The following MYO9A variants were observed in gnomAD, a reference collection of about 807,000 sequenced individuals.
The protein encoded by MYO9A is myosin IXA.
In MYO9A, 103 loss-of-function variants were observed where a neutral mutation model predicts 293.3. The observed-to-expected ratio is 0.35, with a 90% CI of 0.30 to 0.41. The LOEUF (loss-of-function observed/expected upper bound fraction) is 0.41, where lower values mean the gene tolerates loss of function less well. Ranked by LOEUF, MYO9A falls within the 10% of genes least tolerant of loss-of-function variation. The pLI, the probability that MYO9A is intolerant of heterozygous loss-of-function variation, is 1.00. For synonymous variants in MYO9A, 1,001 were observed against 1,035.7 expected, an observed-to-expected ratio of 0.97 and a Z score of 0.64; for missense variants, 2,685 against 3,033.0, an observed-to-expected ratio of 0.89 and a Z score of 2.69.
chr15:71,918,859 C>G (rs1030588415), intron 18 of MYO9A, among the ~76,000 whole-genome samples: 1 of 152,096 alleles, frequency 6.6e-6, no homozygotes. Context: ...ATGTATATTG[C>G]AAAAGTTTGA....
At chr15:71,854,626 T>G (rs2055791747) in intron 34 of MYO9A, 57 bp from the exon 35 acceptor site, 1 of 1,358,540 alleles carries the variant, frequency 7.4e-7, no homozygotes, top group Admixed American at 2.6e-5. Context: ...GAAACATGTT[T>G]AACCATTTCT....
chr15:72,081,678 TTTAAA>T (rs571974730), intron 1 of MYO9A, among the ~76,000 whole-genome samples: 127 of 152,330 alleles, frequency 8.3e-4, no homozygotes, highest in African/African-American at 2.8e-3. Context: ...AGTTTTAGGT[TTTAAA>T]TTAGAGACTT....
intron 1 of MYO9A, among the ~76,000 whole-genome samples, chr15:72,096,753 T>A (rs1008329735): frequency 6.6e-6 from 1 of 152,230 alleles, no homozygotes; most frequent in African/African-American, 2.4e-5. Context: ...CTGGGTGCCA[T>A]TAAGAACATT....
intron 1 of MYO9A, among the ~76,000 whole-genome samples, chr15:72,116,328 T>G (rs919864651): frequency 6.6e-6 from 1 of 152,260 alleles, no homozygotes; most frequent in Non-Finnish European, 1.5e-5. Context: ...CCTCTTTATA[T>G]TTCATCTTTA....
intron 1 of MYO9A, among the ~76,000 whole-genome samples, chr15:72,103,393 G>GC (rs1156738940): frequency 1.4e-5 from 2 of 146,732 alleles, no homozygotes; most frequent in African/African-American, 5.3e-5. Flanking sequence ...AGCAGCAGCA[G>GC]AAGCAGCAGC....
At chr15:72,116,850 T>G (rs751631946) in intron 1 of MYO9A, 5 of 152,042 alleles carry the variant, frequency 3.3e-5, no homozygotes, top group Non-Finnish European at 5.9e-5. Context: ...TCTGTGACCT[T>G]ATAATGGCAC....
chr15:72,059,125 A>C (rs1028221867), intron 1 of MYO9A, among the ~76,000 whole-genome samples: 4 of 152,304 alleles, frequency 2.6e-5, no homozygotes, highest in African/African-American at 9.6e-5. Context: ...TTCTCCTCCA[A>C]GGTATTTGCA....
intron 14 of MYO9A, among the ~76,000 whole-genome samples, chr15:71,953,073 CATA>C (rs2059090624): frequency 6.6e-6 from 1 of 152,128 alleles, no homozygotes; most frequent in Non-Finnish European, 1.5e-5. Flanking sequence ...AAATATTTTT[CATA>C]ATAAAAGTAA....
At chr15:72,100,979 G>GC (rs1394750126) in intron 1 of MYO9A, among the ~76,000 whole-genome samples, 1 of 126,184 alleles carries the variant, frequency 7.9e-6, no homozygotes, top group African/African-American at 2.9e-5. Context: ...GGGGGGGTCA[G>GC]CCCCCCGCCT....
intron 2 of MYO9A, among the ~76,000 whole-genome samples, chr15:72,037,399 C>A (rs1174775083): frequency 6.6e-6 from 1 of 151,950 alleles, no homozygotes; most frequent in Non-Finnish European, 1.5e-5. Flanking sequence ...ACTGCACATG[C>A]CCAGGATATG....
At chr15:71,866,757 A>C (rs1436503770) in intron 32 of MYO9A, among the ~76,000 whole-genome samples, 1 of 152,126 alleles carries the variant, frequency 6.6e-6, no homozygotes, top group Non-Finnish European at 1.5e-5. Context: ...TAATGAAACA[A>C]GATAAAAAAG....
chr15:71,943,961 T>A (rs140762405), intron 15 of MYO9A, among the ~76,000 whole-genome samples: 1 of 152,110 alleles, frequency 6.6e-6, no homozygotes, highest in Admixed American at 6.5e-5. Flanking sequence ...CGGAAATAAC[T>A]GTACCATTTG....
intron 32 of MYO9A, among the ~76,000 whole-genome samples, chr15:71,865,446 T>A (rs774228375): frequency 6.6e-5 from 10 of 152,154 alleles, no homozygotes; most frequent in Non-Finnish European, 1.2e-4. Flanking sequence ...ATGTTATATA[T>A]CCATACAACA....
intron 4 of MYO9A, among the ~76,000 whole-genome samples, chr15:72,025,893 G>A (rs2077651432): frequency 6.6e-6 from 1 of 152,092 alleles, no homozygotes; most frequent in Non-Finnish European, 1.5e-5. Flanking sequence ...CTCCAGGGTA[G>A]ACCATGTGTA....
intron 24 of MYO9A, among the ~76,000 whole-genome samples, 156 bp from the exon 25 acceptor site, chr15:71,899,188 T>C (rs559515931): frequency 7.9e-5 from 12 of 152,336 alleles, no homozygotes; most frequent in Admixed American, 6.5e-4. Context: ...TTTCATAATT[T>C]TCCTATTTCC....
In MYO9A at chr15:71,897,549, A is replaced by C. The variant is rs764543922; in HGVS notation, c.4954T>G (p.Ser1652Ala). Residue 1652 changes from serine (S) to alanine (A), a missense_variant, in exon 25 of 42, where the codon TCT becomes GCT. Ser to Ala is a moderately conservative substitution (Grantham distance 99). Around this residue, in one of 10 missense-constraint regions of MYO9A, gnomAD observed 1,434 missense variants for 1,497.7 expected, o/e 0.96. Coordinates refer to ENST00000356056, the MANE Select transcript of MYO9A (RefSeq NM_006901.4). ...AGGTCATCAGAATTGTGGCTGTAAG[A>C]CTGAGTTGGCCTAAAGTGTTCTCTT... ...SKREHFRPTQ[S>A]YSHNSDDLSR... is the part of the protein sequence containing the mutation. The C allele has an allele frequency of 1.2e-6, 2 of 1,614,144 alleles. No individual in the cohort carries two copies. Among genetic ancestry groups the C allele is most frequent in the Non-Finnish European group, 1.7e-6 (2 of 1,180,024 alleles).
chr15:72,117,211 G>A (rs543308283), intron 1 of MYO9A: 3 of 152,382 alleles, frequency 2.0e-5, no homozygotes, highest in Admixed American at 1.3e-4. Context: ...GTGATGGCTA[G>A]GGTTAGTGCT....
intron 11 of MYO9A, among the ~76,000 whole-genome samples, chr15:71,978,860 T>C (rs754270037): frequency 7.9e-5 from 12 of 152,042 alleles, no homozygotes; most frequent in Non-Finnish European, 1.3e-4. Context: ...CTTAAAATCA[T>C]CTTACAAAGC....
intron 32 of MYO9A, among the ~76,000 whole-genome samples, chr15:71,867,459 C>A (rs2141965062): frequency 6.6e-6 from 1 of 152,062 alleles, no homozygotes; most frequent in Admixed American, 6.5e-5. Context: ...AGACAACTGA[C>A]AAACCAGGAA....
Sources: allele counts gnomAD v4.1 joint callset (sites outside exome capture counted in the v4.1 genomes callset), GRCh38; gene constraint gnomAD v4.1.1; regional missense constraint gnomAD v4.1.1; transcripts MANE v1.5; gene names NCBI Gene and HGNC (gene_info 2026-07-23, HGNC 2026-07-21).